The following PLEK variants were observed in gnomAD, a reference collection of about 807,000 sequenced individuals.
PLEK encodes platelet 47 kDa protein.
PLEK carries 25 observed loss-of-function variants against 43.9 expected under a neutral mutation model. That is an observed-to-expected ratio of 0.57 (90% CI 0.41 to 0.79). The LOEUF (loss-of-function observed/expected upper bound fraction) is 0.79, where lower values mean the gene tolerates loss of function less well. Among genes scored for constraint, PLEK ranks in the 30% least tolerant of loss-of-function variants. PLEK has a pLI of 0.00. For missense variants in PLEK, 396 were observed against 413.3 expected, an observed-to-expected ratio of 0.96 and a Z score of 0.36; for synonymous variants, 152 against 144.4, an observed-to-expected ratio of 1.05 and a Z score of -0.38.
intron 4 of PLEK, among the ~76,000 whole-genome samples, chr2:68,382,853 C>G (rs755575867): frequency 6.6e-6 from 1 of 152,150 alleles, no homozygotes; most frequent in Non-Finnish European, 1.5e-5. Context: ...TTCAAGTTAA[C>G]ATTTGTTCAA....
chr2:68,387,092 G>A (rs769917585), intron 5 of PLEK, among the ~76,000 whole-genome samples: 25 of 152,048 alleles, frequency 1.6e-4, no homozygotes, highest in African/African-American at 5.3e-4. Flanking sequence ...TGCAACCTCC[G>A]CCTCCCGGGT....
At chr2:68,382,663 C>A in intron 4 of PLEK, 30 bp downstream of exon 4, 2 of 1,278,220 alleles carry the variant, frequency 1.6e-6, no homozygotes, top group East Asian at 2.3e-5. Flanking sequence ...TGAAATAGGG[C>A]GACTGGGAAG....
chr2:68,384,522 G>A (rs1024445104), intron 4 of PLEK, among the ~76,000 whole-genome samples: 17 of 152,142 alleles, frequency 1.1e-4, no homozygotes, highest in Non-Finnish European at 1.5e-5. Context: ...AGGTGGGCTA[G>A]TACTTCTTAA....
intron 1 of PLEK, among the ~76,000 whole-genome samples, chr2:68,376,266 G>A (rs1673499315): frequency 6.6e-6 from 1 of 152,154 alleles, no homozygotes; most frequent in Admixed American, 6.5e-5. Context: ...AACTCAATGG[G>A]CAGGTTTGGG....
intron 4 of PLEK, among the ~76,000 whole-genome samples, chr2:68,383,536 G>A (rs939577065): frequency 2.0e-5 from 3 of 152,138 alleles, no homozygotes; most frequent in African/African-American, 7.2e-5. Flanking sequence ...CAGGGCAGAG[G>A]ATGAGCAGAG....
At position 68,380,585 on chromosome 2, in the gene PLEK, C is replaced by T. The variant is rs1383747288; in HGVS notation, c.198+102C>T. On this transcript the variant is annotated intron_variant, in intron 2 of 8. Transcript: ENST00000234313. The stretch of plus-strand genomic sequence containing the variant: ...GGTGGTGCTCCTTGGGCTGGTCCCT[C>T]TCACCACCACCCACACCCCACCCTG... 3 of 1,406,584 alleles carry T rather than the reference C, an allele frequency of 2.1e-6. No homozygotes were observed. In the African/African-American group the frequency reaches 4.3e-5, roughly 20 times the overall value. 87.1% of individuals were successfully genotyped at this position (1,406,584 alleles called of 1,614,324 possible).
At chr2:68,366,233 C>T (rs530494719) in intron 1 of PLEK, among the ~76,000 whole-genome samples, 1 of 152,302 alleles carries the variant, frequency 6.6e-6, no homozygotes, top group South Asian at 2.1e-4. Context: ...GTAGTGCCTT[C>T]CTTCAGGTGC....
chr2:68,389,004 G>A (rs1191803482), intron 6 of PLEK, among the ~76,000 whole-genome samples: 1 of 152,192 alleles, frequency 6.6e-6, no homozygotes, highest in Non-Finnish European at 1.5e-5. Flanking sequence ...AGGAACAGCA[G>A]GCAAAAGTCA....
At chr2:68,393,039 A>T in intron 6 of PLEK, 123 bp from the exon 7 acceptor site, 1 of 736,448 alleles carries the variant, frequency 1.4e-6, no homozygotes, top group East Asian at 2.5e-5. Context: ...GTTATCCTGG[A>T]GTTAGTATTT....
intron 1 of PLEK, 124 bp from the exon 2 acceptor site, chr2:68,380,204 A>G: frequency 1.4e-6 from 1 of 715,840 alleles, no homozygotes; most frequent in South Asian, 2.1e-5. Flanking sequence ...TTGAAGGAAC[A>G]GAGATGATGT....
intron 1 of PLEK, among the ~76,000 whole-genome samples, chr2:68,370,639 C>A (rs1177987500): frequency 6.6e-6 from 1 of 152,116 alleles, no homozygotes; most frequent in African/African-American, 2.4e-5. Context: ...GCATGTGCCA[C>A]CAAGCCCAGC....
Position 68,393,250 on chromosome 2 carries a change from G to T in PLEK, c.846+5G>T, listed in dbSNP as rs1302877265. The T allele has an allele frequency of 6.4e-7, 1 of 1,569,412 alleles. No individual in the cohort carries two copies. Among genetic ancestry groups the T allele is most frequent in the Non-Finnish European group, 8.8e-7 (1 of 1,139,410 alleles). On this transcript the variant is annotated splice_donor_5th_base_variant and intron_variant, in intron 7 of 8. Transcript: ENST00000234313. ...CACTACTATGACCCTGCTGGGGTAA[G>T]GTCCTGTGGTTCATAAATCCATTCA... is the stretch of plus-strand genomic sequence containing the variant.
intron 3 of PLEK, among the ~76,000 whole-genome samples, chr2:68,382,298 T>TAGG (rs764959829): frequency 1.2e-4 from 19 of 152,170 alleles, no homozygotes; most frequent in Admixed American, 1.1e-3. Context: ...TAAGAGAATT[T>TAGG]AGGAGACGTT....
intron 1 of PLEK, among the ~76,000 whole-genome samples, chr2:68,370,988 A>G (rs544241624): frequency 4.8e-4 from 73 of 152,322 alleles, no homozygotes; most frequent in Non-Finnish European, 9.3e-4. Context: ...AATATATTTC[A>G]AAGATTTATT....
intron 1 of PLEK, among the ~76,000 whole-genome samples, chr2:68,367,133 A>G (rs4671911): frequency 6.6e-6 from 1 of 152,176 alleles, no homozygotes; most frequent in Admixed American, 6.5e-5. Flanking sequence ...GAAATTTTGT[A>G]TTGATAGTTT....
In PLEK at chr2:68,382,605, C is replaced by T; in HGVS notation, c.444C>T (p.Asp148=). The change falls in exon 4 of 9, where the codon GAC becomes GAT. Residue 148 remains aspartate (D), a synonymous_variant. Transcript: ENST00000234313. ...TAAAAGAACTGAATCTAGAGAAGGA[C>T]AAGAAGATTTTTAATCACTGCTTCA... ...KGIKELNLEK[D]KKIFNHCFTG... 1 of 1,603,556 alleles carries T rather than the reference C, an allele frequency of 6.2e-7. No individual in the cohort carries two copies. The highest frequency in any genetic ancestry group is 1.3e-5 in the African/African-American group (1 of 74,762).
intron 8 of PLEK, among the ~76,000 whole-genome samples, chr2:68,395,179 A>G (rs547527823): frequency 1.3e-5 from 2 of 151,282 alleles, no homozygotes; most frequent in South Asian, 4.2e-4. Context: ...ATGTATATAA[A>G]CATATATATA....
chr2:68,386,666 CCTGATGCCTT>C lies in PLEK; in HGVS notation c.640_649del (p.Asp214ThrfsTer19). 1 of 1,613,210 alleles carries C rather than the reference CCTGATGCCTT, an allele frequency of 6.2e-7. No individual in the cohort carries two copies. Among genetic ancestry groups the C allele is most frequent in the African/African-American group, 1.3e-5 (1 of 75,002 alleles). On this transcript the variant is annotated frameshift_variant, in exon 5 of 9. Coordinates refer to ENST00000234313, the MANE Select transcript of PLEK (RefSeq NM_002664.3). LOFTEE classifies it high-confidence loss of function. Reference sequence around the variant, plus strand: ...TGCTGAAAACCCTTTCCTGGACAACCCTGATGCCTTCTACTACTTTGTAAGAAAAGCTCCC... The same window carrying C: ...TGCTGAAAACCCTTTCCTGGACAACCCTACTACTTTGTAAGAAAAGCTCCC...
At chr2:68,386,973 C>T (rs972051837) in intron 5 of PLEK, among the ~76,000 whole-genome samples, 2 of 152,028 alleles carry the variant, frequency 1.3e-5, no homozygotes, top group African/African-American at 4.8e-5. Context: ...TTTTAAAGGA[C>T]ATTTTAAAGT....
Sources: allele counts gnomAD v4.1 joint callset (sites outside exome capture counted in the v4.1 genomes callset), GRCh38; gene constraint gnomAD v4.1.1; transcripts MANE v1.5; gene names NCBI Gene and HGNC (gene_info 2026-07-23, HGNC 2026-07-21).